Variants in CCDC138 observed in about 807,000 individuals in gnomAD.
The protein encoded by CCDC138 is coiled-coil domain-containing protein 138.
CCDC138 carries 66 observed loss-of-function variants against 82.3 expected under a neutral mutation model. The observed-to-expected ratio is 0.80, with a 90% confidence interval of 0.66 to 0.98. CCDC138 has a LOEUF of 0.98. Ranked by LOEUF, CCDC138 falls within the 50% of genes least tolerant of loss-of-function variation. The probability of loss-of-function intolerance (pLI) is 0.00; values close to 1 mark genes in which losing one functional copy is unlikely to be tolerated. For missense variants in CCDC138, 816 were observed against 758.9 expected, an observed-to-expected ratio of 1.08 and a Z score of -0.88; for synonymous variants, 297 against 265.4, an observed-to-expected ratio of 1.12 and a Z score of -1.16.
chr2:108,859,448 A>T lies in CCDC138; in HGVS notation c.1693+2478A>T, dbSNP rs554885390. Reference sequence around the variant, plus strand: ...TTTATTTTTATTGCATTTGCTTTTGATGAGTTTGTCATAAATTTTTTGCCT... The same window carrying T: ...TTTATTTTTATTGCATTTGCTTTTGTTGAGTTTGTCATAAATTTTTTGCCT... On this transcript the variant is annotated intron_variant, in intron 13 of 14. Transcript: ENST00000295124. 2.0e-5 allele frequency among the ~76,000 whole-genome samples: 3 copies of T among 152,098 alleles called. No homozygotes were observed. The East Asian group carries it at 5.8e-4, about 29-fold the overall frequency.
chr2:108,812,412 G>A lies in CCDC138; in HGVS notation c.856-219G>A, dbSNP rs1299411617. 2.6e-5 allele frequency among the ~76,000 whole-genome samples: 4 copies of A among 152,200 alleles called. 1 individual carries two copies. Among genetic ancestry groups the A allele is most frequent in the Admixed American group, 2.6e-4 (4 of 15,276 alleles). On this transcript the variant is annotated intron_variant, in intron 7 of 14. Coordinates refer to ENST00000295124, the MANE Select transcript of CCDC138 (RefSeq NM_144978.3). ...ATGCTTTTAAGACATCTGGAGTCTTGTACATTTTTCATAAAATGAAGTAAA... is the reference window on the plus strand; with the variant it reads ...ATGCTTTTAAGACATCTGGAGTCTTATACATTTTTCATAAAATGAAGTAAA...
intron 6 of CCDC138, among the ~76,000 whole-genome samples, chr2:108,804,150 C>T (rs1415260075): frequency 1.3e-5 from 2 of 151,996 alleles, no homozygotes; most frequent in African/African-American, 4.8e-5. Context: ...GTATTTATAT[C>T]ACTACTTGGA....
In CCDC138 at chr2:108,798,494, A is replaced by G; in HGVS notation, c.643A>G (p.Arg215Gly). 2 of 1,614,076 alleles carry G rather than the reference A, an allele frequency of 1.2e-6. No individual in the cohort carries two copies. The highest frequency in any genetic ancestry group is 1.7e-6 in the Non-Finnish European group (2 of 1,179,972). The change falls in exon 6 of 15, where the codon AGA becomes GGA. Residue 215 changes from arginine to glycine, a missense_variant. Arg to Gly is a moderately radical substitution (Grantham distance 125, BLOSUM62 -2). Transcript: ENST00000295124. ...LQKRERFLLE[R>G]EQLLFRHENA... ...AAAGCGAGAACGTTTTTTACTTGAA[A>G]GAGAACAACTGCTTTTCAGACATGA...
intron 7 of CCDC138, 101 bp downstream of exon 7, chr2:108,805,109 A>G (rs187819086): frequency 1.9e-6 from 1 of 530,830 alleles, no homozygotes; most frequent in Non-Finnish European, 3.0e-6. Flanking sequence ...TCAGCTAGAG[A>G]AAATTTGGAT....
intron 9 of CCDC138, among the ~76,000 whole-genome samples, chr2:108,813,516 A>G (rs941877795): frequency 3.9e-5 from 6 of 152,116 alleles, no homozygotes; most frequent in African/African-American, 1.4e-4. Flanking sequence ...ATTGCTTAGT[A>G]TGTTTTGACA....
intron 12 of CCDC138, among the ~76,000 whole-genome samples, chr2:108,852,079 C>G (rs574868305): frequency 4.6e-5 from 7 of 152,282 alleles, no homozygotes; most frequent in African/African-American, 1.7e-4. Flanking sequence ...ATAGCACTTA[C>G]TATGTTATAG....
chr2:108,868,865 C>T (rs1694822349), intron 13 of CCDC138, among the ~76,000 whole-genome samples: 1 of 151,984 alleles, frequency 6.6e-6, no homozygotes, highest in African/African-American at 2.4e-5. Context: ...CGTTGTCTTG[C>T]ACCTGAATTG....
intron 3 of CCDC138, among the ~76,000 whole-genome samples, chr2:108,790,677 G>A (rs1272155971): frequency 6.6e-6 from 1 of 152,156 alleles, no homozygotes; most frequent in Non-Finnish European, 1.5e-5. Context: ...CTGCAACCTG[G>A]GTGACAGAGT....
rs1020190659 is a variant in CCDC138, at chr2:108,846,887, G to C, written c.1473G>C (p.Leu491Phe). ...AAFFKSSNLP[L>F]RFLSTLIVLK... ...TCTTTAAGAGCTCCAATTTGCCATT[G>C]AGATTTTTATCAACCTTAATTGTTC... The change falls in exon 12 of 15, where the codon TTG becomes TTC. Residue 491 changes from leucine (L) to phenylalanine (F), a missense_variant. Coordinates refer to ENST00000295124, the MANE Select transcript of CCDC138 (RefSeq NM_144978.3). 3 of 1,613,174 alleles carry C rather than the reference G, an allele frequency of 1.9e-6. No individual in the cohort carries two copies. Among genetic ancestry groups the C allele is most frequent in the Non-Finnish European group, 2.5e-6 (3 of 1,179,506 alleles).
intron 10 of CCDC138, among the ~76,000 whole-genome samples, chr2:108,836,255 A>T (rs1688563042): frequency 6.6e-6 from 1 of 152,206 alleles, no homozygotes; most frequent in African/African-American, 2.4e-5. Flanking sequence ...GAATCATAAT[A>T]GTATTTGCCT....
intron 10 of CCDC138, among the ~76,000 whole-genome samples, chr2:108,835,484 A>G (rs1422590794): frequency 6.6e-6 from 1 of 152,212 alleles, no homozygotes; most frequent in Non-Finnish European, 1.5e-5. Flanking sequence ...ACCACTGATA[A>G]CAGCGATATG....
At chr2:108,841,788 G>A (rs915690356) in intron 11 of CCDC138, among the ~76,000 whole-genome samples, 1 of 151,786 alleles carries the variant, frequency 6.6e-6, no homozygotes, top group African/African-American at 2.4e-5. Context: ...TAACTACTGG[G>A]TGGTTCTTTT....
chr2:108,831,764 C>T (rs1295452693), intron 10 of CCDC138, among the ~76,000 whole-genome samples: 1 of 142,846 alleles, frequency 7.0e-6, no homozygotes, highest in Admixed American at 7.1e-5. Context: ...CGAAGTTTCA[C>T]TCTTGTTGCC....
chr2:108,849,853 G>A (rs1319570303), intron 12 of CCDC138, among the ~76,000 whole-genome samples: 1 of 152,226 alleles, frequency 6.6e-6, no homozygotes, highest in Non-Finnish European at 1.5e-5. Context: ...CATCAAGAAA[G>A]AAGCCTGAAT....
At chr2:108,793,484 C>A (rs1490812738) in intron 4 of CCDC138, among the ~76,000 whole-genome samples, 3 of 152,218 alleles carry the variant, frequency 2.0e-5, no homozygotes, top group African/African-American at 7.2e-5. Context: ...TAAATTGATA[C>A]AGCCACTTTG....
chr2:108,846,668 C>A, intron 11 of CCDC138, 70 bp from the exon 12 acceptor site: 1 of 1,368,168 alleles, frequency 7.3e-7, no homozygotes, highest in Non-Finnish European at 1.0e-6. Flanking sequence ...CAGAGCAAGA[C>A]TGTGTCTCAA....
Position 108,856,918 on chromosome 2 carries a change from A to G in CCDC138, c.1641A>G (p.Lys547=). The G allele has an allele frequency of 6.2e-7, 1 of 1,613,352 alleles. No individual in the cohort carries two copies. The highest frequency in any genetic ancestry group is 8.5e-7 in the Non-Finnish European group (1 of 1,179,634). ...TAAGTCATCTAAGAATATCCAGTAA[A>G]GGACTCCTGTCTAATGTTATTGATA... ...VILSHLRISS[K]GLLSNVIDSL... is the part of the protein sequence containing the mutation. Residue 547 remains lysine (K), a synonymous_variant, in exon 13 of 15, where the codon AAA becomes AAG. Coordinates refer to ENST00000295124, the MANE Select transcript of CCDC138 (RefSeq NM_144978.3).
At chr2:108,865,835 G>A (rs1008378859) in intron 13 of CCDC138, among the ~76,000 whole-genome samples, 6 of 152,158 alleles carry the variant, frequency 3.9e-5, no homozygotes, top group African/African-American at 1.4e-4. Flanking sequence ...GGTGGCTATA[G>A]TGATCAACAC....
chr2:108,844,024 G>A lies in CCDC138; in HGVS notation c.1324-2714G>A, dbSNP rs1011131537. ...CCACGGTCATGTACTACCTTACCTG[G>A]TTAATTTTTTTTTGTTTTGTAGAGA... is the stretch of plus-strand genomic sequence containing the variant. On this transcript the variant is annotated intron_variant, in intron 11 of 14. Transcript: ENST00000295124. Among the ~76,000 whole-genome samples, 29 of 150,514 alleles carry A rather than the reference G, an allele frequency of 1.9e-4. 1 individual carries two copies. Among genetic ancestry groups the A allele is most frequent in the Admixed American group, 1.7e-3 (25 of 15,062 alleles).
Sources: gnomAD v4.1 joint callset for allele counts (sites outside exome capture counted in the v4.1 genomes callset) on GRCh38, gnomAD v4.1.1 for gene constraint, MANE v1.5 for transcripts, NCBI Gene and HGNC (gene_info 2026-07-23, HGNC 2026-07-21) for gene names.